SBF2: variants seen among roughly 807,000 people sequenced by gnomAD.
SBF2 encodes the protein SET binding factor 2.
Under a neutral mutation model 225.2 loss-of-function variants are expected in SBF2, and 112 were observed. The ratio of observed to expected loss-of-function variants is 0.50; its 90% CI spans 0.43 to 0.58. The LOEUF is 0.58. Ranked by LOEUF, SBF2 falls within the 20% of genes least tolerant of loss-of-function variation. SBF2 has a pLI of 0.00. For synonymous variants in SBF2, 763 were observed against 773.3 expected (o/e 0.99, Z 0.22); for missense variants, 1,996 against 2,206.2 (o/e 0.90, Z 1.91).
At chr11:10,036,177 C>T (rs752032472) in intron 3 of SBF2, among the ~76,000 whole-genome samples, 6 of 152,082 alleles carry the variant, frequency 3.9e-5, no homozygotes, top group Admixed American at 6.6e-5. Context: ...AACCAAACAC[C>T]GCATGTTCTC....
At chr11:9,909,869 T>C (rs577343210) in intron 16 of SBF2, among the ~76,000 whole-genome samples, 8 of 152,192 alleles carry the variant, frequency 5.3e-5, no homozygotes, top group Middle Eastern at 3.4e-3. Context: ...TCAAAAAATA[T>C]TGCCATTCCT....
chr11:9,792,947 T>G (rs1221917637), intron 33 of SBF2, among the ~76,000 whole-genome samples: 230 of 149,208 alleles, frequency 1.5e-3, no homozygotes, highest in African/African-American at 5.2e-3. Flanking sequence ...GTGTTTTTTT[T>G]TTTTTTTTTT....
chr11:9,983,158 C>T (rs889882716), intron 13 of SBF2, among the ~76,000 whole-genome samples: 4 of 152,206 alleles, frequency 2.6e-5, no homozygotes, highest in African/African-American at 7.2e-5. Context: ...AGCTGGGAGG[C>T]GGATAGCCTC....
At chr11:9,924,309 GC>G (rs1660042852) in intron 16 of SBF2, among the ~76,000 whole-genome samples, 2 of 152,172 alleles carry the variant, frequency 1.3e-5, no homozygotes, top group Admixed American at 1.3e-4. Flanking sequence ...TATAAAATAG[GC>G]TTTGTATTAG....
intron 14 of SBF2, among the ~76,000 whole-genome samples, chr11:9,965,982 A>G (rs1387807283): frequency 6.6e-6 from 1 of 152,256 alleles, no homozygotes; most frequent in Non-Finnish European, 1.5e-5. Flanking sequence ...TTATTGAGAG[A>G]GCAATGTGTT....
At chr11:10,277,974 A>C (rs1963098805) in intron 1 of SBF2, among the ~76,000 whole-genome samples, 1 of 152,222 alleles carries the variant, frequency 6.6e-6, no homozygotes, top group Admixed American at 6.5e-5. Flanking sequence ...CCAAGAAACT[A>C]GCAGAGTGTT....
At chr11:10,207,918 G>A (rs1222612776) in intron 1 of SBF2, among the ~76,000 whole-genome samples, 2 of 152,024 alleles carry the variant, frequency 1.3e-5, no homozygotes, top group Non-Finnish European at 2.9e-5. Context: ...CTGAGTACAA[G>A]GGCCTATTAA....
At chr11:10,260,560 C>G (rs557147815) in intron 1 of SBF2, among the ~76,000 whole-genome samples, 12 of 151,906 alleles carry the variant, frequency 7.9e-5, no homozygotes, top group Non-Finnish European at 1.8e-4. Context: ...ACTAAAAATA[C>G]AAAAAATTAG....
rs991260194 is a variant in SBF2 at position 10,133,581 on chromosome 11, G to T, written c.141+60321C>A. On this transcript the variant is annotated intron_variant, in intron 2 of 39. Transcript: ENST00000256190. ...TCCCCCATTGCCCAGGGCCAGCAGG[G>T]CTGCCTGGCTGCTCCGAGTGCGGGG... 5.0e-5 allele frequency among the ~76,000 whole-genome samples: 7 copies of T among 139,026 alleles called. 1 individual carries two copies. Among genetic ancestry groups the T allele is most frequent in the Non-Finnish European group, 1.2e-4 (7 of 60,544 alleles). The allele number at this position is 139,026 out of a possible 152,430, so 91.2% of individuals were successfully genotyped here. A position where few individuals can be genotyped will look rare whatever the true frequency, so the allele number is the denominator to read the frequency against.
rs1851924231 is a variant in SBF2 at position 9,780,305 on chromosome 11, A to T, written c.*113T>A. On this transcript the variant is annotated 3_prime_UTR_variant, in exon 40 of 40. Coordinates refer to ENST00000256190, the MANE Select transcript of SBF2 (RefSeq NM_030962.4). ...CTGCAAGAGGGGACTGGGCAGGAGA[A>T]CCTCAGGCCCTGGGATAACTTGTTG... is the stretch of plus-strand genomic sequence containing the variant. 1.1e-6 allele frequency: 1 copy of T among 890,316 alleles called. No homozygotes were observed. The highest frequency in any genetic ancestry group is 2.0e-5 in the Admixed American group (1 of 50,522). The allele number at this position is 890,316 out of a possible 1,614,324, so 55.2% of individuals were successfully genotyped here.
At chr11:9,891,679 GTA>G (rs1193650051) in intron 17 of SBF2, among the ~76,000 whole-genome samples, 2 of 152,172 alleles carry the variant, frequency 1.3e-5, no homozygotes, top group African/African-American at 4.8e-5. Flanking sequence ...GGCTGTTAAG[GTA>G]CCACCTTCAA....
intron 16 of SBF2, among the ~76,000 whole-genome samples, chr11:9,937,403 T>C (rs1864967694): frequency 6.6e-6 from 1 of 151,998 alleles, no homozygotes; most frequent in Admixed American, 6.6e-5. Flanking sequence ...TAATAAGTGC[T>C]GAAAAGCAAT....
intron 32 of SBF2, 180 bp downstream of exon 32, chr11:9,807,820 A>G: frequency 1.5e-6 from 1 of 660,712 alleles, no homozygotes; most frequent in East Asian, 2.7e-5. Context: ...TCAGAAACCA[A>G]CTAATTTTTT....
intron 33 of SBF2, chr11:9,791,319 A>C (rs1852724507): frequency 1.3e-5 from 2 of 152,118 alleles, no homozygotes; most frequent in Admixed American, 6.6e-5. Flanking sequence ...GGGGTGAGGC[A>C]AAAAGTAGTT....
intron 16 of SBF2, among the ~76,000 whole-genome samples, chr11:9,906,092 C>CA (rs1485667332): frequency 2.6e-5 from 4 of 152,178 alleles, no homozygotes. Flanking sequence ...ACTTATTCCT[C>CA]ACCCCCTTAG....
chr11:9,790,507 C>G (rs1245787683), intron 34 of SBF2, 49 bp downstream of exon 34: 8 of 1,512,118 alleles, frequency 5.3e-6, no homozygotes, highest in Non-Finnish European at 7.3e-6. Flanking sequence ...TAAGGAAAAC[C>G]TTAACACAAA....
At chr11:9,797,423 GTT>G (rs1447470083) in intron 32 of SBF2, among the ~76,000 whole-genome samples, 1 of 152,184 alleles carries the variant, frequency 6.6e-6, no homozygotes, top group African/African-American at 2.4e-5. Context: ...TTAAAAAAGA[GTT>G]TGACTCCTAT....
chr11:10,180,841 A>C (rs1187588075), intron 2 of SBF2, among the ~76,000 whole-genome samples: 1 of 152,128 alleles, frequency 6.6e-6, no homozygotes, highest in African/African-American at 2.4e-5. Context: ...AGAGACTCTG[A>C]TGCATTCCTT....
intron 1 of SBF2, among the ~76,000 whole-genome samples, chr11:10,227,095 A>T (rs931184208): frequency 5.3e-5 from 8 of 151,926 alleles, no homozygotes; most frequent in Non-Finnish European, 1.0e-4. Flanking sequence ...GCATTTTTTC[A>T]TGTGTTTTTT....
Sources: allele counts gnomAD v4.1 joint callset (sites outside exome capture counted in the v4.1 genomes callset), GRCh38; gene constraint gnomAD v4.1.1; transcripts MANE v1.5; gene names NCBI Gene and HGNC (gene_info 2026-07-23, HGNC 2026-07-21).